TOX3: variants seen among roughly 807,000 people sequenced by gnomAD.
TOX3 encodes TOX high mobility group box family member 3, also known as CAG trinucleotide repeat-containing gene F9 protein.
In TOX3, 22 loss-of-function variants were observed where a neutral mutation model predicts 64.3. The ratio of observed to expected loss-of-function variants is 0.34; its 90% CI spans 0.24 to 0.49. The LOEUF is 0.49. Among genes scored for constraint, TOX3 ranks in the 20% least tolerant of loss-of-function variants. TOX3 has a pLI of 0.99. For synonymous variants in TOX3, 291 were observed against 273.6 expected, an observed-to-expected ratio of 1.06 and a Z score of -0.63; for missense variants, 661 against 714.4, an observed-to-expected ratio of 0.93 and a Z score of 0.85.
intron 1 of TOX3, among the ~76,000 whole-genome samples, chr16:52,489,442 A>G (rs1475596190): frequency 6.6e-6 from 1 of 152,146 alleles, no homozygotes; most frequent in Non-Finnish European, 1.5e-5. Context: ...GCCCATGGAC[A>G]TGTCCCCCGT....
intron 1 of TOX3, among the ~76,000 whole-genome samples, chr16:52,479,454 G>A (rs1012913121): frequency 6.6e-6 from 1 of 152,204 alleles, no homozygotes. Flanking sequence ...AGGAAGATCA[G>A]ACCATGACAG....
At chr16:52,489,758 T>C (rs2151456307) in intron 1 of TOX3, among the ~76,000 whole-genome samples, 1 of 152,228 alleles carries the variant, frequency 6.6e-6, no homozygotes, top group South Asian at 2.1e-4. Flanking sequence ...GAGCTTATCT[T>C]TACCAATCTC....
At chr16:52,523,196 T>A (rs1339710959) in intron 1 of TOX3, among the ~76,000 whole-genome samples, 9 of 152,146 alleles carry the variant, frequency 5.9e-5, no homozygotes, top group Non-Finnish European at 1.3e-4. Flanking sequence ...AATTGAGCCA[T>A]GCAAATATCT....
rs1175024107 is a variant in TOX3 at position 52,439,576 on chromosome 16, CTGCATCTGT to C, written c.1371_1379del (p.Met459_Gln461del). ...TTTGGTGCTGCTGGAGTTGCTGCTG[CTGCATCTGT>C]TGCATCTGTTGTTGTTGCTGCTGCT... On this transcript the variant is annotated inframe_deletion, in exon 7 of 7. Transcript: ENST00000219746. The C allele has an allele frequency of 6.4e-7, 1 of 1,572,300 alleles. No homozygotes were observed. Among genetic ancestry groups the C allele is most frequent in the South Asian group, 1.1e-5 (1 of 88,328 alleles).
intron 1 of TOX3, among the ~76,000 whole-genome samples, chr16:52,518,365 G>C (rs1962511361): frequency 6.6e-6 from 1 of 152,052 alleles, no homozygotes; most frequent in South Asian, 2.1e-4. Flanking sequence ...ATTTAATAAG[G>C]ATCAGAATAT....
chr16:52,501,249 T>C (rs1034743403), intron 1 of TOX3, among the ~76,000 whole-genome samples: 1 of 152,358 alleles, frequency 6.6e-6, no homozygotes, highest in African/African-American at 2.4e-5. Flanking sequence ...TTTAATAACA[T>C]GGGCACCCAA....
chr16:52,503,442 C>G (rs886550511), intron 1 of TOX3, among the ~76,000 whole-genome samples: 8 of 152,168 alleles, frequency 5.3e-5, no homozygotes, highest in African/African-American at 1.9e-4. Context: ...CTTATTATAG[C>G]AATTGCTATC....
chr16:52,501,559 C>T (rs1323001640), intron 1 of TOX3, among the ~76,000 whole-genome samples: 2 of 151,886 alleles, frequency 1.3e-5, no homozygotes, highest in African/African-American at 4.8e-5. Flanking sequence ...ACTAGGGAGG[C>T]TGAAGCAGGA....
Position 52,454,497 on chromosome 16 carries a change from G to A in TOX3, c.409-3951C>T, listed in dbSNP as rs951086259. The stretch of plus-strand genomic sequence containing the variant: ...CAGTTATCCCATAATCACCTCCTAT[G>A]AGTGAAGATTATAGTATAAGACGAT... On this transcript the variant is annotated intron_variant, in intron 3 of 6. Transcript: ENST00000219746. Among the ~76,000 whole-genome samples the A allele has an allele frequency of 7.2e-5, 11 of 152,156 alleles. No individual in the cohort carries two copies. In the East Asian group the frequency reaches 2.1e-3, roughly 29 times the overall value.
chr16:52,505,262 C>T (rs1391627965), intron 1 of TOX3, among the ~76,000 whole-genome samples: 2 of 152,214 alleles, frequency 1.3e-5, no homozygotes, highest in Non-Finnish European at 2.9e-5. Context: ...GTCATCAATG[C>T]AGTTAAGAAT....
chr16:52,491,704 T>C (rs1482378102), intron 1 of TOX3, among the ~76,000 whole-genome samples: 1 of 152,176 alleles, frequency 6.6e-6, no homozygotes, highest in Non-Finnish European at 1.5e-5. Flanking sequence ...TTGGATACAC[T>C]ATGTGGAACA....
chr16:52,499,827 A>C (rs868067855), intron 1 of TOX3, among the ~76,000 whole-genome samples: 6 of 152,224 alleles, frequency 3.9e-5, no homozygotes, highest in Admixed American at 2.6e-4. Context: ...CAGCCACCCT[A>C]GGTACAAGGA....
chr16:52,452,993 C>T (rs2044622386), intron 3 of TOX3, among the ~76,000 whole-genome samples: 1 of 152,040 alleles, frequency 6.6e-6, no homozygotes, highest in African/African-American at 2.4e-5. Flanking sequence ...TCTGTTCATC[C>T]TAATTATCTT....
At chr16:52,499,889 G>A (rs1439045932) in intron 1 of TOX3, among the ~76,000 whole-genome samples, 1 of 152,166 alleles carries the variant, frequency 6.6e-6, no homozygotes, top group Non-Finnish European at 1.5e-5. Context: ...TCTCCATCAG[G>A]TTCTGAGAGT....
At chr16:52,474,459 TA>T (rs36085800) in intron 1 of TOX3, among the ~76,000 whole-genome samples, 13 of 148,532 alleles carry the variant, frequency 8.8e-5, no homozygotes, top group Middle Eastern at 3.4e-3. Flanking sequence ...CCATCTCTAC[TA>T]AAAAAAAAAT....
Position 52,448,947 on chromosome 16 carries a change from GA to G in TOX3, c.678+1329del, listed in dbSNP as rs969469244. ...TTGTGGGTTGCTCCTCTCATTTGCT[GA>G]TAGCCATTCTGGCTCTCAAACTAAA... On this transcript the variant is annotated intron_variant, in intron 4 of 6. Coordinates refer to ENST00000219746, the MANE Select transcript of TOX3 (RefSeq NM_001080430.4). 7.2e-5 allele frequency among the ~76,000 whole-genome samples: 11 copies of G among 152,280 alleles called. 1 individual carries two copies. Among genetic ancestry groups the G allele is most frequent in the African/African-American group, 2.6e-4 (11 of 41,558 alleles).
At chr16:52,507,081 A>G (rs1962179758) in intron 1 of TOX3, among the ~76,000 whole-genome samples, 1 of 152,212 alleles carries the variant, frequency 6.6e-6, no homozygotes, top group African/African-American at 2.4e-5. Context: ...TCACTTCTCA[A>G]CTGGGGTACA....
At chr16:52,475,529 A>T (rs552492638) in intron 1 of TOX3, 2 of 152,228 alleles carry the variant, frequency 1.3e-5, no homozygotes, top group South Asian at 4.1e-4. Context: ...AAATGCACTA[A>T]CCTTTTTATA....
intron 4 of TOX3, among the ~76,000 whole-genome samples, chr16:52,449,445 C>T (rs1960266992): frequency 6.6e-6 from 1 of 152,166 alleles, no homozygotes; most frequent in Non-Finnish European, 1.5e-5. Context: ...ATATCACTTT[C>T]TCAGTAAAGT....
Sources: allele counts gnomAD v4.1 joint callset (sites outside exome capture counted in the v4.1 genomes callset), GRCh38; gene constraint gnomAD v4.1.1; transcripts MANE v1.5; gene names NCBI Gene and HGNC (gene_info 2026-07-23, HGNC 2026-07-21).